The following SP140 variants were observed in gnomAD, a reference collection of about 807,000 sequenced individuals.
SP140 encodes SP140 nuclear body protein, also known as nuclear body protein SP140.
A neutral mutation model predicts 125.0 loss-of-function variants in SP140; 81 were observed. The ratio of observed to expected loss-of-function variants is 0.65; its 90% CI spans 0.54 to 0.78. SP140 has a LOEUF of 0.78. SP140 is among the 30% of genes least tolerant of loss of function. The pLI, the probability that SP140 is intolerant of heterozygous loss-of-function variation, is 0.00. For synonymous variants in SP140, 312 were observed against 354.0 expected (o/e 0.88, Z 1.33); for missense variants, 858 against 1,037.0 (o/e 0.83, Z 2.37).
At chr2:230,307,828 A>G (rs541698920) in intron 22 of SP140, among the ~76,000 whole-genome samples, 20 of 152,076 alleles carry the variant, frequency 1.3e-4, no homozygotes, top group Non-Finnish European at 2.5e-4. Flanking sequence ...AGCAAAACTC[A>G]GGCAAAGGCA....
At chr2:230,309,826 G>A in intron 22 of SP140, 98 bp from the exon 23 acceptor site, 1 of 1,216,214 alleles carries the variant, frequency 8.2e-7, no homozygotes. Flanking sequence ...GCCTGTCCAT[G>A]CAGGTTCACA....
chr2:230,225,559 A>C (rs2046216221), upstream of SP140: 1 of 496,920 alleles, frequency 2.0e-6, no homozygotes, highest in African/African-American at 1.9e-5. Flanking sequence ...GATCTGCTTG[A>C]GTTGAATGAC....
At chr2:230,306,254 C>G (rs2058751347) in intron 22 of SP140, among the ~76,000 whole-genome samples, 1 of 152,250 alleles carries the variant, frequency 6.6e-6, no homozygotes, top group Non-Finnish European at 1.5e-5. Context: ...TCCTGGGAAC[C>G]TGCAAGCACC....
chr2:230,201,863 A>G (rs2043214901), upstream of SP140, among the ~76,000 whole-genome samples: 1 of 152,222 alleles, frequency 6.6e-6, no homozygotes, highest in Non-Finnish European at 1.5e-5. Context: ...ATATTTAAGA[A>G]ACTATCACTT....
In SP140 at chr2:230,312,641, T is replaced by C; in HGVS notation, c.2561T>C (p.Phe854Ser). 1 of 1,613,180 alleles carries C rather than the reference T, an allele frequency of 6.2e-7. No individual in the cohort carries two copies. Among genetic ancestry groups the C allele is most frequent in the Non-Finnish European group, 8.5e-7 (1 of 1,179,344 alleles). Residue 854 changes from phenylalanine (F) to serine (S), a missense_variant, in exon 27 of 27, where the codon TTC becomes TCC. By Grantham distance (155) the Phe-to-Ser change is radical. Transcript: ENST00000392045. Reference sequence around the variant, plus strand: ...CTGGAGGCTGAGTTTGAGAAGAATTTCAAGGAAGTGTTTGCTATTCAGGAA... The same window carrying C: ...CTGGAGGCTGAGTTTGAGAAGAATTCCAAGGAAGTGTTTGCTATTCAGGAA... ...FRLEAEFEKN[F>S]KEVFAIQETN...
Position 230,287,971 on chromosome 2 carries a change from A to G in SP140, c.1720+5A>G. ...AGAAAAGAGTCCGATCAAGAGGTAA[A>G]AAAGAAAACAGGAATGAACTTTCAA... is the stretch of plus-strand genomic sequence containing the variant. On this transcript the variant is annotated splice_donor_5th_base_variant and intron_variant, in intron 18 of 26. Coordinates refer to ENST00000392045, the MANE Select transcript of SP140 (RefSeq NM_007237.5). 1 of 1,608,356 alleles carries G rather than the reference A, an allele frequency of 6.2e-7. No homozygotes were observed. The highest frequency in any genetic ancestry group is 8.5e-7 in the Non-Finnish European group (1 of 1,177,348).
chr2:230,220,975 G>C (rs1385351354), upstream of SP140, among the ~76,000 whole-genome samples: 1 of 152,048 alleles, frequency 6.6e-6, no homozygotes, highest in East Asian at 1.9e-4. Context: ...TTGCACCACT[G>C]CACTATAGAA....
upstream of SP140, chr2:230,225,494 A>T: frequency 2.7e-6 from 1 of 365,648 alleles, no homozygotes; most frequent in East Asian, 7.2e-5. Flanking sequence ...AGGGGTGGGG[A>T]CAAATACAGA....
chr2:230,294,141 C>T, intron 20 of SP140, 130 bp from the exon 21 acceptor site: 1 of 704,726 alleles, frequency 1.4e-6, no homozygotes, highest in Non-Finnish European at 2.6e-6. Flanking sequence ...GATGGTTTCT[C>T]ATTAGACACC....
intron 15 of SP140, among the ~76,000 whole-genome samples, chr2:230,282,556 G>A (rs1021117918): frequency 3.3e-5 from 5 of 152,038 alleles, no homozygotes; most frequent in Non-Finnish European, 5.9e-5. Context: ...CAGTACTTTG[G>A]GAGGCCAATA....
Position 230,247,923 on chromosome 2 carries a change from A to C in SP140, c.750A>C (p.Glu250Asp). The C allele has an allele frequency of 6.2e-7, 1 of 1,613,110 alleles. No individual in the cohort carries two copies. Among genetic ancestry groups the C allele is most frequent in the Non-Finnish European group, 8.5e-7 (1 of 1,179,592 alleles). The change falls in exon 8 of 27, where the codon GAA becomes GAC. Residue 250 changes from glutamate (E) to aspartate (D), a missense_variant. Coordinates refer to ENST00000392045, the MANE Select transcript of SP140 (RefSeq NM_007237.5). ...GCCTTTTTTGATCCCTAGTTCTAGA[A>C]AGCAACGGGATGATAGATGCGGCAA... Reference protein sequence around the residue: ...KLLPYDTEVLESNGMIDAART... With the variant: ...KLLPYDTEVLDSNGMIDAART...
At chr2:230,286,631 T>G (rs2056416294) in intron 17 of SP140, among the ~76,000 whole-genome samples, 1 of 152,206 alleles carries the variant, frequency 6.6e-6, no homozygotes, top group African/African-American at 2.4e-5. Flanking sequence ...TGACTTATTT[T>G]GAAAGAAATA....
chr2:230,199,779 T>C (rs927425995), upstream of SP140, among the ~76,000 whole-genome samples: 3 of 152,150 alleles, frequency 2.0e-5, no homozygotes, highest in Non-Finnish European at 4.4e-5. Context: ...TTGGAAGTAA[T>C]GAGAAAGTAA....
chr2:230,307,413 G>A (rs1315118052), intron 22 of SP140, among the ~76,000 whole-genome samples: 2 of 152,226 alleles, frequency 1.3e-5, no homozygotes, highest in Admixed American at 1.3e-4. Flanking sequence ...TGAAGAGAAG[G>A]AGAGAAGAGC....
At chr2:230,236,431 A>G (rs1304392670) in intron 1 of SP140, among the ~76,000 whole-genome samples, 1 of 152,218 alleles carries the variant, frequency 6.6e-6, no homozygotes, top group African/African-American at 2.4e-5. Context: ...GGATGTGTAT[A>G]TACAGAGAAA....
At chr2:230,215,236 A>G in intron 3 of SP140, 1 of 797,486 alleles carries the variant, frequency 1.3e-6, no homozygotes, top group South Asian at 1.6e-5. Flanking sequence ...GAAATTCAAC[A>G]TAAAATATAT....
chr2:230,253,326 A>G lies in SP140; in HGVS notation c.1068A>G (p.Leu356=). 3.1e-6 allele frequency: 5 copies of G among 1,609,528 alleles called. No homozygotes were observed. Among genetic ancestry groups the G allele is most frequent in the Non-Finnish European group, 4.3e-6 (5 of 1,176,122 alleles). Residue 356 remains leucine (L), a synonymous_variant, in exon 11 of 27, where the codon TTA becomes TTG. Transcript: ENST00000392045. The part of the protein sequence containing the change: ...SLARCGSVSC[L]SAETFDLKTP... Reference sequence around the variant, plus strand: ...TCTGTGGTCTGTCAGTTTCTTGTTTATCTGCAGAGACCTTTGATCTAAAGA... The same window carrying G: ...TCTGTGGTCTGTCAGTTTCTTGTTTGTCTGCAGAGACCTTTGATCTAAAGA...
rs574511579 is a variant in SP140, at chr2:230,293,612, A to G, written c.1969-659A>G. Among the ~76,000 whole-genome samples, 1,161 of 152,066 alleles carry G rather than the reference A, an allele frequency of 7.6e-3. 7 individuals carry two copies. The highest frequency in any genetic ancestry group is 0.012 in the Non-Finnish European group (803 of 67,964). ...CGGCCTCCCAAAATGCTGGGGTTACAGGCGACAGCCACCCCGCCCCGCCAT... is the reference window on the plus strand; with the variant it reads ...CGGCCTCCCAAAATGCTGGGGTTACGGGCGACAGCCACCCCGCCCCGCCAT... On this transcript the variant is annotated intron_variant, in intron 20 of 26. Transcript: ENST00000392045.
intron 17 of SP140, 124 bp downstream of exon 17, chr2:230,285,956 G>T: frequency 1.4e-6 from 1 of 718,020 alleles, no homozygotes; most frequent in Non-Finnish European, 2.4e-6. Context: ...GGAGAGCAGT[G>T]AAATCTAAAA....
Sources: allele counts gnomAD v4.1 joint callset (sites outside exome capture counted in the v4.1 genomes callset), GRCh38; gene constraint gnomAD v4.1.1; transcripts MANE v1.5; gene names NCBI Gene and HGNC (gene_info 2026-07-23, HGNC 2026-07-21).